Variants in ENOX1 observed in about 807,000 individuals in gnomAD.
The protein encoded by ENOX1 is candidate growth-related and time keeping constitutive hydroquinone (NADH) oxidase.
In ENOX1, 42 loss-of-function variants were observed where a neutral mutation model predicts 82.5. The ratio of observed to expected loss-of-function variants is 0.51; its 90% CI spans 0.40 to 0.66. ENOX1 has a LOEUF of 0.66. Among genes scored for constraint, ENOX1 ranks in the 30% least tolerant of loss-of-function variants. The pLI, the probability that ENOX1 is intolerant of heterozygous loss-of-function variation, is 0.00. For missense variants in ENOX1, 608 were observed against 811.6 expected, an observed-to-expected ratio of 0.75 and a Z score of 3.05; for synonymous variants, 271 against 282.2, an observed-to-expected ratio of 0.96 and a Z score of 0.40.
intron 7 of ENOX1, among the ~76,000 whole-genome samples, chr13:43,358,315 C>T (rs1190898890): frequency 6.6e-6 from 1 of 152,100 alleles, no homozygotes; most frequent in Admixed American, 6.5e-5. Context: ...TTAATCTGTG[C>T]AGGTCCACTT....
chr13:43,724,407 C>A (rs1266627379), intron 1 of ENOX1, among the ~76,000 whole-genome samples: 1 of 152,162 alleles, frequency 6.6e-6, no homozygotes, highest in East Asian at 1.9e-4. Context: ...TTTGTTTGAA[C>A]AGTACCTCCA....
intron 1 of ENOX1, among the ~76,000 whole-genome samples, chr13:43,730,590 A>G (rs967478620): frequency 2.0e-5 from 3 of 152,174 alleles, no homozygotes; most frequent in Non-Finnish European, 4.4e-5. Context: ...AGAAATCCCC[A>G]GAAGTCCCTG....
At chr13:43,767,479 G>A (rs951818924) in intron 1 of ENOX1, among the ~76,000 whole-genome samples, 1 of 152,196 alleles carries the variant, frequency 6.6e-6, no homozygotes, top group African/African-American at 2.4e-5. Flanking sequence ...GCTACTCCCA[G>A]CAACTGCCAA....
chr13:43,785,833 G>T (rs1952552888), intron 1 of ENOX1, among the ~76,000 whole-genome samples: 1 of 152,168 alleles, frequency 6.6e-6, no homozygotes, highest in Non-Finnish European at 1.5e-5. Flanking sequence ...CAACCTATGG[G>T]GTGGCTGTGG....
intron 1 of ENOX1, among the ~76,000 whole-genome samples, chr13:43,730,088 C>G (rs1337938917): frequency 6.6e-6 from 1 of 152,240 alleles, no homozygotes; most frequent in Non-Finnish European, 1.5e-5. Context: ...GGCATTCCCT[C>G]TCACCCATGG....
chr13:43,378,091 C>A (rs186083852), intron 5 of ENOX1, among the ~76,000 whole-genome samples: 1 of 152,306 alleles, frequency 6.6e-6, no homozygotes. Context: ...GGTCTCCCAC[C>A]TGAAACAACT....
intron 14 of ENOX1, among the ~76,000 whole-genome samples, chr13:43,246,312 C>T (rs1208530233): frequency 6.6e-6 from 1 of 152,228 alleles, no homozygotes; most frequent in Non-Finnish European, 1.5e-5. Flanking sequence ...GTCCTAACCA[C>T]TACACTAGGT....
intron 3 of ENOX1, among the ~76,000 whole-genome samples, chr13:43,475,333 A>G (rs75905225): frequency 0.025 from 3,796 of 152,264 alleles, 148 homozygotes; most frequent in African/African-American, 0.086. Flanking sequence ...GCGGAGCAGC[A>G]ATAGGGAACG....
chr13:43,525,294 C>G (rs1212026458), intron 2 of ENOX1, among the ~76,000 whole-genome samples: 1 of 152,146 alleles, frequency 6.6e-6, no homozygotes, highest in Non-Finnish European at 1.5e-5. Context: ...CTGGCAACCA[C>G]CATTCTACTT....
intron 5 of ENOX1, among the ~76,000 whole-genome samples, chr13:43,404,638 T>C (rs1240417790): frequency 1.3e-5 from 2 of 152,226 alleles, no homozygotes; most frequent in Non-Finnish European, 2.9e-5. Context: ...TTTGATAACA[T>C]CTTCTTTAGA....
chr13:43,613,981 T>C (rs1194385405), intron 2 of ENOX1, among the ~76,000 whole-genome samples: 2 of 152,152 alleles, frequency 1.3e-5, no homozygotes, highest in South Asian at 4.1e-4. Flanking sequence ...ATTTTACCCA[T>C]TTCATTCCAC....
intron 2 of ENOX1, among the ~76,000 whole-genome samples, chr13:43,600,108 C>T (rs966290705): frequency 6.6e-6 from 1 of 151,970 alleles, no homozygotes; most frequent in Non-Finnish European, 1.5e-5. Flanking sequence ...GCTGAAGTGG[C>T]TATGGGGAAG....
At chr13:43,247,883 A>ATATTTTTTTTTTTT (rs1566330073) in intron 14 of ENOX1, among the ~76,000 whole-genome samples, 1 of 14,648 alleles carries the variant, frequency 6.8e-5, no homozygotes, top group African/African-American at 1.4e-4. Context: ...ATATATATAT[A>ATATTTTTTTTTTTT]TTTTTTTTTT....
At chr13:43,369,759 C>G (rs949883388) in intron 5 of ENOX1, among the ~76,000 whole-genome samples, 8 of 152,228 alleles carry the variant, frequency 5.3e-5, no homozygotes, top group Non-Finnish European at 1.2e-4. Flanking sequence ...CTTAAAGTTC[C>G]TGTTCCTTCT....
At chr13:43,480,927 A>G (rs992849622) in intron 3 of ENOX1, among the ~76,000 whole-genome samples, 2 of 152,182 alleles carry the variant, frequency 1.3e-5, no homozygotes, top group African/African-American at 4.8e-5. Flanking sequence ...CATTTAAAGA[A>G]CTAATGCTAA....
chr13:43,341,522 G>T (rs1194530599), intron 9 of ENOX1, among the ~76,000 whole-genome samples: 2 of 152,166 alleles, frequency 1.3e-5, no homozygotes, highest in African/African-American at 4.8e-5. Flanking sequence ...CAGTGGAAAT[G>T]ATGCATGGTG....
intron 3 of ENOX1, among the ~76,000 whole-genome samples, chr13:43,452,991 C>T (rs963937007): frequency 6.6e-5 from 10 of 152,082 alleles, no homozygotes; most frequent in African/African-American, 2.4e-4. Context: ...GGTATAAAGC[C>T]TGATTAAATA....
At chr13:43,237,283 A>G (rs1486957320) in intron 14 of ENOX1, among the ~76,000 whole-genome samples, 1 of 152,248 alleles carries the variant, frequency 6.6e-6, no homozygotes, top group Non-Finnish European at 1.5e-5. Flanking sequence ...AAAACTAAAA[A>G]TGAAGAGTTG....
intron 12 of ENOX1, among the ~76,000 whole-genome samples, chr13:43,291,019 T>G (rs1430308177): frequency 6.6e-6 from 1 of 152,082 alleles, no homozygotes; most frequent in African/African-American, 2.4e-5. Context: ...AGAGTGAGAC[T>G]CCATCTCAAA....
Sources: allele counts gnomAD v4.1 joint callset (sites outside exome capture counted in the v4.1 genomes callset), GRCh38; gene constraint gnomAD v4.1.1; transcripts MANE v1.5; gene names NCBI Gene and HGNC (gene_info 2026-07-23, HGNC 2026-07-21).